GABRB3: variants seen among roughly 807,000 people sequenced by gnomAD.
GABRB3 encodes gamma-aminobutyric acid receptor subunit beta-3.
GABRB3 carries 14 observed loss-of-function variants against 52.1 expected under a neutral mutation model. That is an observed-to-expected ratio of 0.27 (90% CI 0.18 to 0.42). GABRB3 has a LOEUF of 0.42. GABRB3 is among the 10% of genes least tolerant of loss of function. GABRB3 has a pLI of 1.00. For missense variants in GABRB3, 307 were observed against 609.1 expected (o/e 0.50, Z 5.22); for synonymous variants, 260 against 232.3 (o/e 1.12, Z -1.08).
chr15:26,748,578 A>T (rs1002047382), intron 3 of GABRB3, among the ~76,000 whole-genome samples: 1 of 152,108 alleles, frequency 6.6e-6, no homozygotes, highest in Non-Finnish European at 1.5e-5. Flanking sequence ...CATTCCTGAC[A>T]TTGATGTCTT....
intron 3 of GABRB3, among the ~76,000 whole-genome samples, chr15:26,743,769 T>A (rs1237778694): frequency 1.3e-5 from 2 of 152,226 alleles, no homozygotes; most frequent in African/African-American, 4.8e-5. Context: ...ACACTTACCT[T>A]GCACCAGTTG....
chr15:26,558,672 G>A (rs1889848521), intron 8 of GABRB3, among the ~76,000 whole-genome samples: 1 of 152,158 alleles, frequency 6.6e-6, no homozygotes, highest in African/African-American at 2.4e-5. Flanking sequence ...GGAGGCCAAG[G>A]CAGGTGGATC....
chr15:26,643,418 G>A (rs1893265158), intron 3 of GABRB3, among the ~76,000 whole-genome samples: 1 of 152,174 alleles, frequency 6.6e-6, no homozygotes, highest in Admixed American at 6.5e-5. Flanking sequence ...CTCAAGATCA[G>A]AGTCACTCCA....
chr15:26,668,112 T>C (rs1011074407), intron 3 of GABRB3, among the ~76,000 whole-genome samples: 2 of 152,184 alleles, frequency 1.3e-5, no homozygotes, highest in Non-Finnish European at 2.9e-5. Flanking sequence ...TTCCTTATAA[T>C]GCAGGCCATT....
intron 3 of GABRB3, among the ~76,000 whole-genome samples, chr15:26,622,685 T>G (rs1892531581): frequency 6.6e-6 from 1 of 152,210 alleles, no homozygotes; most frequent in Non-Finnish European, 1.5e-5. Context: ...TTCTTTTTGC[T>G]TCTTGCAGGG....
intron 3 of GABRB3, among the ~76,000 whole-genome samples, chr15:26,625,892 T>A (rs1892672671): frequency 6.6e-6 from 1 of 152,118 alleles, no homozygotes; most frequent in Non-Finnish European, 1.5e-5. Flanking sequence ...TTGCTAACGT[T>A]CCCTCTTTTG....
chr15:26,578,216 A>G (rs1459946264), intron 6 of GABRB3, among the ~76,000 whole-genome samples: 1 of 152,254 alleles, frequency 6.6e-6, no homozygotes, highest in Non-Finnish European at 1.5e-5. Context: ...TAATATTAAA[A>G]TATCTTTAGA....
At chr15:26,763,190 G>T (rs1051560153) in intron 3 of GABRB3, among the ~76,000 whole-genome samples, 3 of 152,082 alleles carry the variant, frequency 2.0e-5, no homozygotes, top group Non-Finnish European at 4.4e-5. Flanking sequence ...GCCTCCCAAG[G>T]GTTCTTGGCC....
At chr15:26,705,892 A>G (rs1047062192) in intron 3 of GABRB3, among the ~76,000 whole-genome samples, 2 of 152,146 alleles carry the variant, frequency 1.3e-5, no homozygotes, top group South Asian at 2.1e-4. Flanking sequence ...CAGAAACTCC[A>G]AAAGGAGGGA....
rs528659228 is a variant in GABRB3, at chr15:26,601,318, G to A, written c.462-17904C>T. Among the ~76,000 whole-genome samples the A allele has an allele frequency of 3.3e-5, 5 of 152,100 alleles. No individual in the cohort carries two copies. The South Asian group carries it at 8.3e-4, about 25-fold the overall frequency. ...CTAGCTACTCAGGAGTCTGAGGCAG[G>A]AGAATTGCTTGAACCCGGGAGGCAG... is the stretch of plus-strand genomic sequence containing the variant. On this transcript the variant is annotated intron_variant, in intron 4 of 8. Transcript: ENST00000311550.
At position 26,627,833 on chromosome 15, in the gene GABRB3, G is replaced by A. The variant is rs192786539; in HGVS notation, c.241-6299C>T. On this transcript the variant is annotated intron_variant, in intron 3 of 8. Coordinates refer to ENST00000311550, the MANE Select transcript of GABRB3 (RefSeq NM_000814.6). ...AACTTAGTTGATAAAGCAGTGGCAG[G>A]GTTTGAGAGGACTGACTTCAATTTT... is the stretch of plus-strand genomic sequence containing the variant. 3.1e-3 allele frequency among the ~76,000 whole-genome samples: 466 copies of A among 152,296 alleles called. 2 individuals carry two copies. The highest frequency in any genetic ancestry group is 5.3e-3 in the Non-Finnish European group (362 of 68,020).
chr15:26,766,460 T>C (rs1408419091), intron 3 of GABRB3, among the ~76,000 whole-genome samples: 1 of 152,226 alleles, frequency 6.6e-6, no homozygotes, highest in African/African-American at 2.4e-5. Flanking sequence ...CAATTTCTTT[T>C]GTTCCTGCAT....
intron 3 of GABRB3, among the ~76,000 whole-genome samples, chr15:26,752,229 TTTTATTTATTTATTTA>T (rs3078706): frequency 5.5e-4 from 77 of 140,370 alleles, no homozygotes; most frequent in East Asian, 1.5e-3. Flanking sequence ...GCTCTCTTTA[TTTTATTTATTTATTTA>T]TTTATTTATT....
At chr15:26,596,534 TC>T (rs1437096251) in intron 4 of GABRB3, among the ~76,000 whole-genome samples, 4 of 151,756 alleles carry the variant, frequency 2.6e-5, no homozygotes, top group Non-Finnish European at 2.9e-5. Context: ...TATAAAACAT[TC>T]CCCCCAAAAA....
intron 3 of GABRB3, among the ~76,000 whole-genome samples, chr15:26,636,743 A>G (rs1042687166): frequency 6.6e-6 from 1 of 152,204 alleles, no homozygotes; most frequent in East Asian, 1.9e-4. Flanking sequence ...AGTTCACACA[A>G]CGGCATTCTC....
At chr15:26,690,842 C>T (rs1057129218) in intron 3 of GABRB3, among the ~76,000 whole-genome samples, 1 of 149,194 alleles carries the variant, frequency 6.7e-6, no homozygotes, top group African/African-American at 2.5e-5. Context: ...GATCAAAATT[C>T]TTGCTCTGTT....
At chr15:26,740,478 G>A (rs1167859917) in intron 3 of GABRB3, among the ~76,000 whole-genome samples, 1 of 152,146 alleles carries the variant, frequency 6.6e-6, no homozygotes. Flanking sequence ...TTCCTGGCAG[G>A]AGAAATGGCT....
chr15:26,659,516 T>C (rs1887475037), intron 3 of GABRB3, among the ~76,000 whole-genome samples: 1 of 151,982 alleles, frequency 6.6e-6, no homozygotes, highest in Non-Finnish European at 1.5e-5. Flanking sequence ...AGAGAGACTC[T>C]GGCTCAAAAA....
At chr15:26,704,045 C>T (rs1889019519) in intron 3 of GABRB3, among the ~76,000 whole-genome samples, 1 of 152,218 alleles carries the variant, frequency 6.6e-6, no homozygotes, top group Non-Finnish European at 1.5e-5. Context: ...GTGATGGTTC[C>T]ACCCCTGTGG....
Sources: gnomAD v4.1 joint callset for allele counts (sites outside exome capture counted in the v4.1 genomes callset) on GRCh38, gnomAD v4.1.1 for gene constraint, MANE v1.5 for transcripts, NCBI Gene and HGNC (gene_info 2026-07-23, HGNC 2026-07-21) for gene names.